Variants in STK36 observed in about 807,000 individuals in gnomAD.
STK36 encodes serine/threonine kinase 36, also known as serine/threonine-protein kinase 36.
In STK36, 116 loss-of-function variants were observed where a neutral mutation model predicts 142.2. The observed-to-expected ratio is 0.82, with a 90% CI of 0.70 to 0.95. The LOEUF (loss-of-function observed/expected upper bound fraction) is 0.95. Among genes scored for constraint, STK36 ranks in the 40% least tolerant of loss-of-function variants. STK36 has a pLI of 0.00. For missense variants in STK36, 1,422 were observed against 1,617.2 expected (o/e 0.88, Z 2.07); for synonymous variants, 619 against 641.7 (o/e 0.96, Z 0.53).
intron 2 of STK36, 143 bp downstream of exon 2, chr2:218,673,056 T>A: frequency 1.5e-6 from 1 of 679,736 alleles, no homozygotes; most frequent in Non-Finnish European, 2.4e-6. Context: ...GTATAAGCTT[T>A]GAAGTTGGAT....
chr2:218,700,267 A>C (rs960204286), intron 26 of STK36, among the ~76,000 whole-genome samples: 23 of 152,118 alleles, frequency 1.5e-4, no homozygotes, highest in African/African-American at 5.5e-4. Context: ...ACAGTGGCGC[A>C]ATCTCAGCTC....
At chr2:218,693,507 C>A (rs553481453) in intron 17 of STK36, among the ~76,000 whole-genome samples, 163 bp downstream of exon 17, 1 of 152,346 alleles carries the variant, frequency 6.6e-6, no homozygotes, top group East Asian at 1.9e-4. Context: ...TAAATCTGTT[C>A]AACTGAGAGG....
At position 218,675,339 on chromosome 2, in the gene STK36, C is replaced by G; in HGVS notation, c.304-4C>G. 1 of 1,595,366 alleles carries G rather than the reference C, an allele frequency of 6.3e-7. No individual in the cohort carries two copies. The highest frequency in any genetic ancestry group is 8.5e-7 in the Non-Finnish European group (1 of 1,171,098). ...TTTCTTTCTTCCACCTCTTTAATTTCTAGGTTCAGGCCATTGCTGCCCAGT... is the reference window on the plus strand; with the variant it reads ...TTTCTTTCTTCCACCTCTTTAATTTGTAGGTTCAGGCCATTGCTGCCCAGT... On this transcript the variant is annotated splice_region_variant and splice_polypyrimidine_tract_variant and intron_variant, in intron 4 of 26. Transcript: ENST00000295709.
rs1239348451 is a variant in STK36 at position 218,697,174 on chromosome 2, C to G, written c.2722C>G (p.Pro908Ala). Residue 908 changes from proline to alanine, a missense_variant, in exon 23 of 27, where the codon CCA (proline) becomes GCA (alanine). Around this residue, in one of 2 missense-constraint regions of STK36, gnomAD observed 962 missense variants for 1,167.5 expected, o/e 0.82. Transcript: ENST00000295709. ...AGGGGAGCTTTCGCTATCCAGTCCACCAAGCCCTGAGCCAGACTGGACACT... is the reference window on the plus strand; with the variant it reads ...AGGGGAGCTTTCGCTATCCAGTCCAGCAAGCCCTGAGCCAGACTGGACACT... ...QEGELSLSSP[P>A]SPEPDWTLIS... The G allele has an allele frequency of 1.2e-6, 2 of 1,613,988 alleles. No individual in the cohort carries two copies. The highest frequency in any genetic ancestry group is 2.7e-5 in the African/African-American group (2 of 74,932).
chr2:218,686,523 C>A (rs1348741075), intron 11 of STK36, among the ~76,000 whole-genome samples: 1 of 152,174 alleles, frequency 6.6e-6, no homozygotes, highest in East Asian at 1.9e-4. Flanking sequence ...CCCACCTTGG[C>A]CTCCCAAAGT....
At chr2:218,691,091 G>A (rs972033442) in intron 14 of STK36, among the ~76,000 whole-genome samples, 1 of 152,066 alleles carries the variant, frequency 6.6e-6, no homozygotes, top group African/African-American at 2.4e-5. Context: ...ATCTAGTATT[G>A]TCTAACCTCG....
intron 1 of STK36, 57 bp downstream of exon 1, chr2:218,672,272 G>C: frequency 2.0e-6 from 1 of 502,132 alleles, no homozygotes; most frequent in South Asian, 2.4e-5. Flanking sequence ...AGAATTATAA[G>C]TCAGGCAACG....
At chr2:218,688,471 TG>T (rs1325165040) in intron 11 of STK36, 1 of 600,036 alleles carries the variant, frequency 1.7e-6, no homozygotes, top group East Asian at 3.2e-5. Context: ...CCCTATCCGT[TG>T]GTCACTGGTG....
intron 15 of STK36, 62 bp from the exon 16 acceptor site, chr2:218,692,521 G>T: frequency 6.4e-7 from 1 of 1,561,190 alleles, no homozygotes. Flanking sequence ...GGTGAGTACT[G>T]GTGCTATTGT....
At chr2:218,684,971 G>T in intron 10 of STK36, 114 bp from the exon 11 acceptor site, 1 of 1,339,938 alleles carries the variant, frequency 7.5e-7, no homozygotes, top group South Asian at 1.3e-5. Context: ...TGTGCTAAAG[G>T]GGTCACTGGC....
In STK36 at chr2:218,689,810, G is replaced by A. The variant is rs776117867; in HGVS notation, c.1561-49G>A. The stretch of plus-strand genomic sequence containing the variant: ...CTTTCTACTGTTTTTTCTATTCTTT[G>A]TTTCCATCCTTCACATTGCCCTTAC... On this transcript the variant is annotated intron_variant, in intron 12 of 26. Transcript: ENST00000295709. 3 of 1,532,652 alleles carry A rather than the reference G, an allele frequency of 2.0e-6. No homozygotes were observed. The South Asian group carries it at 3.6e-5, about 18-fold the overall frequency. 94.9% of individuals were successfully genotyped at this position (1,532,652 alleles called of 1,614,324 possible). A position where few individuals can be genotyped will look rare whatever the true frequency, so the allele number is the denominator to read the frequency against.
chr2:218,691,797 A>G (rs1941010501), intron 14 of STK36, among the ~76,000 whole-genome samples: 1 of 152,092 alleles, frequency 6.6e-6, no homozygotes, highest in African/African-American at 2.4e-5. Context: ...AGCTCAAGTG[A>G]TCCACCTGCC....
At chr2:218,677,436 C>G (rs1940307440) in intron 6 of STK36, among the ~76,000 whole-genome samples, 1 of 152,200 alleles carries the variant, frequency 6.6e-6, no homozygotes, top group Non-Finnish European at 1.5e-5. Context: ...GGCAGCCTTG[C>G]TTTTCTACTG....
chr2:218,693,819 A>T lies in STK36; in HGVS notation c.2245A>T (p.Lys749Ter). ...ATCCCTGTTTATGTTGATTCAGGGC[A>T]AGGTAAGCCAGCTTCCCCTGGCAGC... is the stretch of plus-strand genomic sequence containing the variant. ...LESLFMLIQG[K>*]VKVVDWEEST... The change falls in exon 18 of 27, where the codon AAG (lysine) becomes TAG (stop). Residue 749 changes from lysine to a stop codon, truncating the protein, a stop_gained and splice_region_variant. Transcript: ENST00000295709. LOFTEE classifies it high-confidence loss of function. 1 of 1,614,182 alleles carries T rather than the reference A, an allele frequency of 6.2e-7. No homozygotes were observed. Among genetic ancestry groups the T allele is most frequent in the Non-Finnish European group, 8.5e-7 (1 of 1,180,048 alleles).
At position 218,694,717 on chromosome 2, in the gene STK36, G is replaced by T; in HGVS notation, c.2511+82G>T. On this transcript the variant is annotated intron_variant, in intron 21 of 26. Coordinates refer to ENST00000295709, the MANE Select transcript of STK36 (RefSeq NM_015690.5). The surrounding 1 kb of genome is among the most constrained non-coding windows in gnomAD (Gnocchi z 4.4). ...GCATTCAAGGGGAAAAGACTGAAATGCCAGCAAGCCTGGAGTAAACTGAGG... is the reference window on the plus strand; with the variant it reads ...GCATTCAAGGGGAAAAGACTGAAATTCCAGCAAGCCTGGAGTAAACTGAGG... 8.3e-7 allele frequency: 1 copy of T among 1,210,980 alleles called. No homozygotes were observed. The highest frequency in any genetic ancestry group is 1.2e-6 in the Non-Finnish European group (1 of 829,058). The allele number at this position is 1,210,980 out of a possible 1,614,324, so 75.0% of individuals were successfully genotyped here. A position where few individuals can be genotyped will look rare whatever the true frequency, so the allele number is the denominator to read the frequency against.
intron 5 of STK36, among the ~76,000 whole-genome samples, chr2:218,675,754 C>G (rs1323681845): frequency 6.6e-6 from 1 of 151,904 alleles, no homozygotes; most frequent in Non-Finnish European, 1.5e-5. Context: ...GAACTCCTGA[C>G]CTCAGGTGAT....
At chr2:218,688,997 A>G (rs1376520066) in intron 12 of STK36, 121 bp downstream of exon 12, 9 of 1,053,046 alleles carry the variant, frequency 8.5e-6, no homozygotes, top group Non-Finnish European at 1.2e-5. Flanking sequence ...TCCTCTTTCT[A>G]GTTAGTAGAC....
At chr2:218,700,870 G>A (rs1201893866) in intron 26 of STK36, among the ~76,000 whole-genome samples, 3 of 151,144 alleles carry the variant, frequency 2.0e-5, no homozygotes, top group Non-Finnish European at 2.9e-5. Context: ...AAATTAGCTG[G>A]GTGTGGTGGC....
rs1007834886 is a variant in STK36 at position 218,694,232 on chromosome 2, G to A, written c.2337-32G>A. ...CCGCTTACCAACCTCCTTTAATACT[G>A]CTGCATCCCTTGATGTATCTCTTTA... On this transcript the variant is annotated intron_variant, in intron 19 of 26. Coordinates refer to ENST00000295709, the MANE Select transcript of STK36 (RefSeq NM_015690.5). This position sits in a 1 kb window ranked among gnomAD's most constrained non-coding sequence, Gnocchi z 4.4. 7.6e-6 allele frequency: 12 copies of A among 1,587,808 alleles called. No individual in the cohort carries two copies. The highest frequency in any genetic ancestry group is 1.0e-5 in the Non-Finnish European group (12 of 1,156,142).
Sources: allele counts gnomAD v4.1 joint callset (sites outside exome capture counted in the v4.1 genomes callset), GRCh38; gene constraint gnomAD v4.1.1; regional missense constraint gnomAD v4.1.1; non-coding constraint Gnocchi (gnomAD v3.1); transcripts MANE v1.5; gene names NCBI Gene and HGNC (gene_info 2026-07-23, HGNC 2026-07-21).